Variants in RYR2 observed in about 807,000 individuals in gnomAD.
RYR2 encodes ryanodine receptor 2.
Under a neutral mutation model 601.1 loss-of-function variants are expected in RYR2, and 227 were observed. That is an observed-to-expected ratio of 0.38 (90% CI 0.34 to 0.42). The LOEUF is 0.42. Ranked by LOEUF, RYR2 falls within the 10% of genes least tolerant of loss-of-function variation. RYR2 has a pLI of 1.00. For synonymous variants in RYR2, 2,223 were observed against 2,175.1 expected (o/e 1.02, Z -0.61); for missense variants, 4,646 against 6,156.5 (o/e 0.75, Z 8.21).
Position 237,657,017 on chromosome 1 carries a change from A to C in RYR2, c.8130-927A>C, listed in dbSNP as rs557300025. ...ACATATGATCTCATCTGAGATTTTT[A>C]AATATCAGAACAATATCATGGTTTT... On this transcript the variant is annotated intron_variant, in intron 53 of 104. Transcript: ENST00000366574. Among the ~76,000 whole-genome samples, 43 of 152,314 alleles carry C rather than the reference A, an allele frequency of 2.8e-4. No homozygotes were observed. In the South Asian group the frequency reaches 8.5e-3, roughly 30 times the overall value.
At position 237,504,318 on chromosome 1, in the gene RYR2, A is replaced by G. The variant is rs376161407; in HGVS notation, c.2613+813A>G. 9.4e-3 allele frequency among the ~76,000 whole-genome samples: 1,429 copies of G among 152,080 alleles called. 24 individuals carry two copies. Among genetic ancestry groups the G allele is most frequent in the African/African-American group, 0.031 (1,272 of 41,376 alleles). On this transcript the variant is annotated intron_variant, in intron 22 of 104. Transcript: ENST00000366574. ...AGCTCTTATAGGTTTTGGGATAGGC[A>G]GTGAAGTTAAGAGCAATATTTTGCG... is the stretch of plus-strand genomic sequence containing the variant.
chr1:237,750,510 TTATA>T (rs1252246268), intron 80 of RYR2, among the ~76,000 whole-genome samples: 73 of 150,866 alleles, frequency 4.8e-4, no homozygotes, highest in Non-Finnish European at 1.8e-4. Flanking sequence ...TTTATATAAT[TTATA>T]TAATATTCAT....
intron 1 of RYR2, among the ~76,000 whole-genome samples, chr1:237,063,054 T>C (rs1041932630): frequency 3.9e-5 from 6 of 152,030 alleles, no homozygotes; most frequent in African/African-American, 1.5e-4. Flanking sequence ...TAGTGGGAGA[T>C]GGTAGATGAT....
intron 25 of RYR2, among the ~76,000 whole-genome samples, chr1:237,539,819 C>T (rs1669059785): frequency 6.6e-6 from 1 of 152,166 alleles, no homozygotes; most frequent in Admixed American, 6.5e-5. Context: ...CCTGCACATC[C>T]TGCACATTTA....
intron 50 of RYR2, 43 bp from the exon 51 acceptor site, chr1:237,651,368 G>T: frequency 7.4e-7 from 1 of 1,351,036 alleles, no homozygotes; most frequent in Non-Finnish European, 1.0e-6. Flanking sequence ...ACTTAGTTTA[G>T]AAACATTTCT....
Position 237,832,754 on chromosome 1 carries a change from G to T in RYR2, c.*107G>T. Reference sequence around the variant, plus strand: ...TTTGCTGATTTTGTGAATTGCCAGCGTTGTGTGTTTTCTGGGAGCATCGAA... The same window carrying T: ...TTTGCTGATTTTGTGAATTGCCAGCTTTGTGTGTTTTCTGGGAGCATCGAA... On this transcript the variant is annotated 3_prime_UTR_variant, in exon 105 of 105. Coordinates refer to ENST00000366574, the MANE Select transcript of RYR2 (RefSeq NM_001035.3). 2 of 596,812 alleles carry T rather than the reference G, an allele frequency of 3.4e-6. No homozygotes were observed. Among genetic ancestry groups the T allele is most frequent in the Non-Finnish European group, 5.9e-6 (2 of 341,566 alleles). 37.0% of individuals were successfully genotyped at this position (596,812 alleles called of 1,614,324 possible).
intron 24 of RYR2, among the ~76,000 whole-genome samples, chr1:237,522,327 A>C (rs1304330041): frequency 5.9e-5 from 9 of 152,240 alleles, no homozygotes; most frequent in Non-Finnish European, 1.3e-4. Context: ...AAGAAATCTC[A>C]TAATATTTTA....
intron 10 of RYR2, among the ~76,000 whole-genome samples, chr1:237,393,425 A>G (rs1702555756): frequency 6.6e-6 from 1 of 152,168 alleles, no homozygotes; most frequent in Admixed American, 6.5e-5. Flanking sequence ...ATTGGATGTA[A>G]TGAATTAAAT....
intron 71 of RYR2, among the ~76,000 whole-genome samples, chr1:237,716,687 C>G (rs189447918): frequency 6.6e-6 from 1 of 151,906 alleles, no homozygotes; most frequent in East Asian, 1.9e-4. Flanking sequence ...GACTGAGGCT[C>G]TAGGAAGACA....
At chr1:237,724,136 G>T (rs116199663) in intron 74 of RYR2, among the ~76,000 whole-genome samples, 3,099 of 148,212 alleles carry the variant, frequency 0.021, 121 homozygotes, top group African/African-American at 0.072. Flanking sequence ...ATAATAAGAT[G>T]CCCTATGCCA....
intron 25 of RYR2, among the ~76,000 whole-genome samples, chr1:237,547,682 T>C (rs967244823): frequency 1.3e-5 from 2 of 152,180 alleles, no homozygotes; most frequent in Non-Finnish European, 2.9e-5. Context: ...CTATTGCCCT[T>C]ATATGTGTGC....
At chr1:237,046,106 C>A (rs1387098030) in intron 1 of RYR2, among the ~76,000 whole-genome samples, 3 of 152,106 alleles carry the variant, frequency 2.0e-5, no homozygotes, top group African/African-American at 7.2e-5. Flanking sequence ...AGTGTTCATA[C>A]ATCTTGTTCC....
intron 1 of RYR2, among the ~76,000 whole-genome samples, chr1:237,126,412 A>T (rs548490416): frequency 1.1e-4 from 16 of 152,254 alleles, no homozygotes; most frequent in African/African-American, 3.8e-4. Context: ...ATGACTGGGC[A>T]TGGTGAGGGG....
At chr1:237,492,447 T>G (rs1663467503) in intron 18 of RYR2, among the ~76,000 whole-genome samples, 1 of 152,238 alleles carries the variant, frequency 6.6e-6, no homozygotes, top group Non-Finnish European at 1.5e-5. Context: ...AGTGGGAAAC[T>G]ACTGTAATGT....
chr1:237,517,873 A>C (rs1209903464), intron 24 of RYR2, among the ~76,000 whole-genome samples: 1 of 152,112 alleles, frequency 6.6e-6, no homozygotes, highest in Non-Finnish European at 1.5e-5. Flanking sequence ...TATCCAGCGC[A>C]TAACATTCTC....
Position 237,657,632 on chromosome 1 carries a change from A to G in RYR2, c.8130-312A>G, listed in dbSNP as rs892083349. Reference sequence around the variant, plus strand: ...CTTTTTTGTGTAATCTATTGTCCTAATCTTTGAATGTATTTTAATTATTTC... The same window carrying G: ...CTTTTTTGTGTAATCTATTGTCCTAGTCTTTGAATGTATTTTAATTATTTC... On this transcript the variant is annotated intron_variant, in intron 53 of 104. Coordinates refer to ENST00000366574, the MANE Select transcript of RYR2 (RefSeq NM_001035.3). Among the ~76,000 whole-genome samples the G allele has an allele frequency of 3.3e-5, 5 of 151,372 alleles. No homozygotes were observed. In the East Asian group the frequency reaches 7.7e-4, roughly 23 times the overall value.
At chr1:237,704,378 T>C (rs940507690) in intron 66 of RYR2, among the ~76,000 whole-genome samples, 1 of 152,148 alleles carries the variant, frequency 6.6e-6, no homozygotes. Context: ...ATTTATTAAC[T>C]ATTTATTTTA....
intron 60 of RYR2, among the ~76,000 whole-genome samples, chr1:237,677,421 A>T (rs1488482267): frequency 6.6e-6 from 1 of 152,194 alleles, no homozygotes; most frequent in Non-Finnish European, 1.5e-5. Context: ...AACCATGGGG[A>T]AAACTTGGGT....
chr1:237,278,876 C>T (rs1486122991), intron 2 of RYR2, among the ~76,000 whole-genome samples: 1 of 152,124 alleles, frequency 6.6e-6, no homozygotes, highest in African/African-American at 2.4e-5. Context: ...TTTATAATCA[C>T]TTTATAATCA....
Sources: gnomAD v4.1 joint callset for allele counts (sites outside exome capture counted in the v4.1 genomes callset) on GRCh38, gnomAD v4.1.1 for gene constraint, MANE v1.5 for transcripts, NCBI Gene and HGNC (gene_info 2026-07-23, HGNC 2026-07-21) for gene names.